PHF14: variants seen among roughly 807,000 people sequenced by gnomAD.
The protein encoded by PHF14 is PHD finger protein 14.
In PHF14, 55 loss-of-function variants were observed where a neutral mutation model predicts 117.9. The observed-to-expected ratio is 0.47, with a 90% CI of 0.38 to 0.58. PHF14 has a LOEUF of 0.58. PHF14 is among the 20% of genes least tolerant of loss of function. PHF14 has a pLI of 0.00. For missense variants in PHF14, 978 were observed against 1,122.2 expected, an observed-to-expected ratio of 0.87 and a Z score of 1.84; for synonymous variants, 409 against 368.6, an observed-to-expected ratio of 1.11 and a Z score of -1.26.
intron 17 of PHF14, among the ~76,000 whole-genome samples, chr7:11,146,658 A>G (rs906404896): frequency 6.6e-6 from 1 of 152,210 alleles, no homozygotes; most frequent in Non-Finnish European, 1.5e-5. Flanking sequence ...CATTTTTACA[A>G]AAGCATTTAG....
chr7:11,112,986 T>A (rs1409128620), intron 17 of PHF14, among the ~76,000 whole-genome samples: 2 of 152,064 alleles, frequency 1.3e-5, no homozygotes, highest in Non-Finnish European at 2.9e-5. Context: ...CCCAAAATTT[T>A]ATTTAAATGT....
Position 10,990,981 on chromosome 7 carries a change from T to C in PHF14, c.1045+134T>C, listed in dbSNP as rs562435341. ...CTAAATCATCAAAGTATGGATGCTATTTTTCAGGTTATCTTTTCTTTTATT... is the reference window on the plus strand; with the variant it reads ...CTAAATCATCAAAGTATGGATGCTACTTTTCAGGTTATCTTTTCTTTTATT... On this transcript the variant is annotated intron_variant, in intron 4 of 17. Transcript: ENST00000634607. 786 of 593,542 alleles carry C rather than the reference T, an allele frequency of 1.3e-3. 2 individuals carry two copies. The highest frequency in any genetic ancestry group is 3.0e-3 in the Admixed American group (81 of 27,170). The allele number at this position is 593,542 out of a possible 1,614,324, so 36.8% of individuals were successfully genotyped here.
chr7:11,094,664 C>T (rs1786776903), intron 16 of PHF14, among the ~76,000 whole-genome samples: 1 of 152,142 alleles, frequency 6.6e-6, no homozygotes, highest in Non-Finnish European at 1.5e-5. Context: ...GGTAACCGTC[C>T]CTGGGGCTGT....
intron 16 of PHF14, chr7:11,107,471 C>G (rs1310317681): frequency 1.2e-6 from 1 of 825,410 alleles, no homozygotes; most frequent in Non-Finnish European, 1.5e-6. Context: ...TAGTAAGAAT[C>G]TAATTAGGTT....
At chr7:11,043,566 A>G (rs923292618) in intron 13 of PHF14, among the ~76,000 whole-genome samples, 8 of 152,152 alleles carry the variant, frequency 5.3e-5, no homozygotes, top group East Asian at 3.8e-4. Context: ...GTGTTCCTCA[A>G]ATACATTAGG....
chr7:11,143,331 G>C (rs1562484429), intron 17 of PHF14, among the ~76,000 whole-genome samples: 3 of 151,912 alleles, frequency 2.0e-5, no homozygotes, highest in African/African-American at 7.3e-5. Context: ...GTGTTGTCCA[G>C]GCTGATCTCA....
intron 16 of PHF14, chr7:11,104,160 A>C (rs919755285): frequency 1.0e-6 from 1 of 984,334 alleles, no homozygotes; most frequent in African/African-American, 1.8e-5. Flanking sequence ...TATCACTGTT[A>C]ATCAAAATCC....
intron 17 of PHF14, among the ~76,000 whole-genome samples, chr7:11,142,995 A>G (rs1403003764): frequency 2.0e-5 from 3 of 152,194 alleles, no homozygotes; most frequent in East Asian, 1.9e-4. Context: ...AAATGTTTGC[A>G]TAGAATAGGA....
In PHF14 at chr7:11,102,035, G is replaced by A. The variant is rs551819007; in HGVS notation, c.2655-9315G>A. 2.4e-4 allele frequency among the ~76,000 whole-genome samples: 36 copies of A among 151,888 alleles called. 1 individual carries two copies. In the South Asian group the frequency reaches 7.3e-3, roughly 31 times the overall value. ...TCTGTATTTGAGTATAACCAGCACT[G>A]TAACACACTGATCAGATGTGCTTGT... On this transcript the variant is annotated intron_variant, in intron 16 of 17. Transcript: ENST00000634607.
chr7:11,101,381 T>C (rs1000854103), intron 16 of PHF14, among the ~76,000 whole-genome samples: 2 of 151,854 alleles, frequency 1.3e-5, no homozygotes, highest in Admixed American at 1.3e-4. Flanking sequence ...ATTATACTTT[T>C]CCAGTAGTAA....
At chr7:11,038,574 C>A (rs888165593) in intron 10 of PHF14, among the ~76,000 whole-genome samples, 186 bp from the exon 11 acceptor site, 2 of 151,566 alleles carry the variant, frequency 1.3e-5, no homozygotes, top group African/African-American at 4.9e-5. Flanking sequence ...AGGAGAATCG[C>A]TTGAACCCCA....
chr7:11,089,096 A>T (rs1009417886), intron 16 of PHF14, among the ~76,000 whole-genome samples: 6 of 130,204 alleles, frequency 4.6e-5, no homozygotes, highest in South Asian at 4.4e-4. Context: ...AATTAGATAT[A>T]AAAAAAAAAA....
At chr7:11,052,659 C>T (rs1014290169) in intron 14 of PHF14, among the ~76,000 whole-genome samples, 1 of 152,130 alleles carries the variant, frequency 6.6e-6, no homozygotes, top group Non-Finnish European at 1.5e-5. Context: ...CAGTGTGGTA[C>T]AGGGAAAATA....
chr7:11,158,161 T>C (rs1039333393), intron 17 of PHF14, among the ~76,000 whole-genome samples: 1 of 152,198 alleles, frequency 6.6e-6, no homozygotes, highest in Non-Finnish European at 1.5e-5. Flanking sequence ...GTTCTTTCTC[T>C]GGACCAAGAT....
rs535062070 is a variant in PHF14 at position 10,984,346 on chromosome 7, A to G, written c.900+1187A>G. 3.3e-5 allele frequency among the ~76,000 whole-genome samples: 5 copies of G among 152,302 alleles called. No homozygotes were observed. The South Asian group carries it at 1.0e-3, about 32-fold the overall frequency. ...AAACATTGGTTAACTTCTGAAACCA[A>G]TATTTTATATGAAAAAATATTGCCT... On this transcript the variant is annotated intron_variant, in intron 3 of 17. Transcript: ENST00000634607.
intron 16 of PHF14, among the ~76,000 whole-genome samples, chr7:11,095,687 G>T (rs1403541600): frequency 6.6e-6 from 1 of 152,094 alleles, no homozygotes. Context: ...ATTGGGAGAA[G>T]TGAAAAAAAG....
At chr7:10,988,754 C>T (rs1360782945) in intron 3 of PHF14, among the ~76,000 whole-genome samples, 3 of 152,050 alleles carry the variant, frequency 2.0e-5, no homozygotes, top group African/African-American at 4.8e-5. Flanking sequence ...AGGCATTGAC[C>T]ATTTATTGAG....
chr7:11,059,101 G>T (rs1785117456), intron 14 of PHF14, among the ~76,000 whole-genome samples: 1 of 152,068 alleles, frequency 6.6e-6, no homozygotes, highest in South Asian at 2.1e-4. Flanking sequence ...AATATAGAGA[G>T]AAATGGAGCT....
intron 14 of PHF14, among the ~76,000 whole-genome samples, chr7:11,052,786 C>T (rs1784887544): frequency 6.6e-6 from 1 of 152,016 alleles, no homozygotes; most frequent in African/African-American, 2.4e-5. Context: ...AGCCTTTCAC[C>T]AGTTTTTCTG....
Sources: gnomAD v4.1 joint callset for allele counts (sites outside exome capture counted in the v4.1 genomes callset) on GRCh38, gnomAD v4.1.1 for gene constraint, MANE v1.5 for transcripts, NCBI Gene and HGNC (gene_info 2026-07-23, HGNC 2026-07-21) for gene names.